Variants in ZBTB16 observed in about 807,000 individuals in gnomAD.
ZBTB16 encodes zinc finger and BTB domain containing 16.
Under a neutral mutation model 56.8 loss-of-function variants are expected in ZBTB16, and 8 were observed. The ratio of observed to expected loss-of-function variants is 0.14; its 90% CI spans 0.08 to 0.25. The LOEUF (loss-of-function observed/expected upper bound fraction) is 0.25. ZBTB16 is among the 10% of genes least tolerant of loss of function. ZBTB16 has a pLI of 1.00. For synonymous variants in ZBTB16, 363 were observed against 368.5 expected, an observed-to-expected ratio of 0.98 and a Z score of 0.17; for missense variants, 625 against 903.0, an observed-to-expected ratio of 0.69 and a Z score of 3.95.
At chr11:114,246,459 G>C (rs1472273040) in intron 5 of ZBTB16, among the ~76,000 whole-genome samples, 1 of 147,650 alleles carries the variant, frequency 6.8e-6, no homozygotes, top group Non-Finnish European at 1.5e-5. Flanking sequence ...ATCATCTGAT[G>C]CGATCACATC....
intron 2 of ZBTB16, among the ~76,000 whole-genome samples, chr11:114,144,388 T>G (rs1942044095): frequency 6.6e-6 from 1 of 152,224 alleles, no homozygotes; most frequent in Non-Finnish European, 1.5e-5. Flanking sequence ...TTTGAAGTGC[T>G]TTCTACTGGG....
chr11:114,209,322 A>T, intron 4 of ZBTB16: 1 of 938,496 alleles, frequency 1.1e-6, no homozygotes, highest in Non-Finnish European at 1.3e-6. Flanking sequence ...ATGCATGTGT[A>T]TGTAGGCTGT....
intron 2 of ZBTB16, among the ~76,000 whole-genome samples, chr11:114,069,646 G>C (rs866327212): frequency 6.6e-6 from 1 of 152,162 alleles, no homozygotes. Context: ...GGATTTTTGA[G>C]GTTTCCTGAG....
At position 114,085,566 on chromosome 11, in the gene ZBTB16, G is replaced by A. The variant is rs368496711; in HGVS notation, c.1268+20998G>A. 2.8e-4 allele frequency among the ~76,000 whole-genome samples: 42 copies of A among 152,236 alleles called. No homozygotes were observed. The South Asian group carries it at 7.9e-3, about 29-fold the overall frequency. ...ATTAAATATTATATAAGTGAGGTAT[G>A]GGGGAGCAGAGGAGAGGAATTGAAT... On this transcript the variant is annotated intron_variant, in intron 2 of 6. Transcript: ENST00000335953.
At chr11:114,199,383 G>T (rs1424245496) in intron 4 of ZBTB16, among the ~76,000 whole-genome samples, 1 of 151,730 alleles carries the variant, frequency 6.6e-6, no homozygotes, top group Non-Finnish European at 1.5e-5. Context: ...GGATGCCGCT[G>T]GGCCCCGGGA....
chr11:114,165,096 A>G (rs1434951487), intron 3 of ZBTB16, among the ~76,000 whole-genome samples: 1 of 151,410 alleles, frequency 6.6e-6, no homozygotes, highest in Non-Finnish European at 1.5e-5. Context: ...TCCCTGTCCT[A>G]ACCCACCACC....
intron 2 of ZBTB16, among the ~76,000 whole-genome samples, chr11:114,086,937 T>C (rs953969989): frequency 3.9e-5 from 6 of 152,208 alleles, no homozygotes; most frequent in Non-Finnish European, 7.3e-5. Context: ...CAGTATTGGC[T>C]CCATTGACCC....
At chr11:114,184,150 T>C (rs1031147697) in intron 3 of ZBTB16, among the ~76,000 whole-genome samples, 2 of 152,230 alleles carry the variant, frequency 1.3e-5, no homozygotes, top group African/African-American at 4.8e-5. Context: ...GACTCACATT[T>C]ATTGAGCACC....
At chr11:114,105,607 T>A (rs970984095) in intron 2 of ZBTB16, among the ~76,000 whole-genome samples, 2 of 152,024 alleles carry the variant, frequency 1.3e-5, no homozygotes, top group Admixed American at 1.3e-4. Context: ...AGAGTTGAGG[T>A]ATTGATTTTA....
rs1233232232 is a variant in ZBTB16, at chr11:114,087,758, G to A, written c.1268+23190G>A. ...GAGAAGAAACGAGAGAATTCTTAGC[G>A]TGGCATTCAAAGCCATCCGGGATCC... On this transcript the variant is annotated intron_variant, in intron 2 of 6. Transcript: ENST00000335953. Among the ~76,000 whole-genome samples the A allele has an allele frequency of 5.9e-5, 9 of 152,222 alleles. No homozygotes were observed. In the East Asian group the frequency reaches 1.4e-3, roughly 23 times the overall value.
chr11:114,236,996 G>T (rs933440128), intron 4 of ZBTB16, among the ~76,000 whole-genome samples: 15 of 152,190 alleles, frequency 9.9e-5, no homozygotes, highest in African/African-American at 2.9e-4. Context: ...GAAAGTAGCA[G>T]CCCAAAGACA....
intron 2 of ZBTB16, among the ~76,000 whole-genome samples, chr11:114,072,884 C>A (rs923693552): frequency 2.0e-5 from 3 of 151,838 alleles, no homozygotes; most frequent in Admixed American, 2.0e-4. Context: ...AACCCCGTCT[C>A]TACTAAAAAT....
chr11:114,148,336 G>GCTGGCTTC (rs1369514528), intron 2 of ZBTB16, among the ~76,000 whole-genome samples: 6 of 52,602 alleles, frequency 1.1e-4, no homozygotes, highest in South Asian at 1.5e-3. Flanking sequence ...TGGCTGGCTG[G>GCTGGCTTC]CTTCCTTCCT....
chr11:114,164,439 C>T (rs1416938931), intron 3 of ZBTB16, among the ~76,000 whole-genome samples: 1 of 152,206 alleles, frequency 6.6e-6, no homozygotes, highest in East Asian at 1.9e-4. Context: ...GCCATTTATT[C>T]TCCTAGTCTC....
At position 114,250,712 on chromosome 11, in the gene ZBTB16, T is replaced by C. The variant is rs1273604917; in HGVS notation, c.*157T>C. 2 of 801,134 alleles carry C rather than the reference T, an allele frequency of 2.5e-6. No homozygotes were observed. The highest frequency in any genetic ancestry group is 3.9e-6 in the Non-Finnish European group (2 of 513,222). 49.6% of individuals were successfully genotyped at this position (801,134 alleles called of 1,614,324 possible). A position where few individuals can be genotyped will look rare whatever the true frequency, so the allele number is the denominator to read the frequency against. ...TTTTGGCCTTGGATTCTCTCTGGGC[T>C]CCAGATGACCTGGATGCCAAGCCAC... On this transcript the variant is annotated 3_prime_UTR_variant, in exon 7 of 7. Coordinates refer to ENST00000335953, the MANE Select transcript of ZBTB16 (RefSeq NM_006006.6). This position sits in a 1 kb window ranked among gnomAD's most constrained non-coding sequence, Gnocchi z 6.0.
At position 114,253,647 on chromosome 11, in the gene ZBTB16, T is replaced by G. The variant is rs1944953739; in HGVS notation, c.*3092T>G. Among the ~76,000 whole-genome samples the G allele has an allele frequency of 6.6e-6, 1 of 152,236 alleles. No individual in the cohort carries two copies. Among genetic ancestry groups the G allele is most frequent in the Admixed American group, 6.5e-5 (1 of 15,286 alleles). On this transcript the variant is annotated 3_prime_UTR_variant, in exon 7 of 7. Coordinates refer to ENST00000335953, the MANE Select transcript of ZBTB16 (RefSeq NM_006006.6). ...GGGGAGTGTGGTTTCTGAGGGCTAC[T>G]GTCTGGGGACACCTCTGAACTTACT...
intron 4 of ZBTB16, among the ~76,000 whole-genome samples, chr11:114,217,484 C>T (rs975716423): frequency 1.3e-5 from 2 of 152,066 alleles, no homozygotes; most frequent in African/African-American, 2.4e-5. Context: ...GCATCTAGCT[C>T]GAGTGACCAA....
intron 3 of ZBTB16, among the ~76,000 whole-genome samples, chr11:114,184,898 A>G (rs1478881327): frequency 6.6e-6 from 1 of 152,136 alleles, no homozygotes; most frequent in Admixed American, 6.5e-5. Context: ...ATGACCAGAC[A>G]CAGTGGCTCA....
At chr11:114,133,638 G>C (rs1941726454) in intron 2 of ZBTB16, among the ~76,000 whole-genome samples, 1 of 152,146 alleles carries the variant, frequency 6.6e-6, no homozygotes, top group South Asian at 2.1e-4. Context: ...CCACGCATAA[G>C]GCAGGAAAAT....
Sources: allele counts gnomAD v4.1 joint callset (sites outside exome capture counted in the v4.1 genomes callset), GRCh38; gene constraint gnomAD v4.1.1; non-coding constraint Gnocchi (gnomAD v3.1); transcripts MANE v1.5; gene names NCBI Gene and HGNC (gene_info 2026-07-23, HGNC 2026-07-21).